The following TPTE2 variants were observed in gnomAD, a reference collection of about 807,000 sequenced individuals.
TPTE2 encodes the protein phosphatidylinositol 3,4,5-trisphosphate 3-phosphatase TPTE2.
In TPTE2, 53 loss-of-function variants were observed where a neutral mutation model predicts 78.6. That is an observed-to-expected ratio of 0.67 (90% CI 0.54 to 0.85). The LOEUF (loss-of-function observed/expected upper bound fraction) is 0.85. TPTE2 is among the 40% of genes least tolerant of loss of function. The probability of loss-of-function intolerance (pLI) is 0.00; values close to 1 mark genes in which losing one functional copy is unlikely to be tolerated. For synonymous variants in TPTE2, 175 were observed against 206.2 expected (o/e 0.85, Z 1.30); for missense variants, 461 against 623.0 (o/e 0.74, Z 2.77).
chr13:19,425,654 C>A (rs112922382), intron 18 of TPTE2: 6 of 498,738 alleles, frequency 1.2e-5, no homozygotes, highest in African/African-American at 1.2e-4. Context: ...TGGCTGCTTG[C>A]GTTAAACCAA....
chr13:19,503,580 T>C (rs1868770824), upstream of TPTE2, among the ~76,000 whole-genome samples: 1 of 63,536 alleles, frequency 1.6e-5, no homozygotes, highest in African/African-American at 3.0e-5. Flanking sequence ...ACTAAACTTT[T>C]GTGTGGAGGT....
the TPTE2 span, among the ~76,000 whole-genome samples, chr13:19,551,506 A>T: frequency 6.6e-6 from 1 of 152,070 alleles, no homozygotes; most frequent in Non-Finnish European, 1.5e-5. Context: ...GAATTGCTTG[A>T]ACCCGGGAGG....
At position 19,441,253 on chromosome 13, in the gene TPTE2, C is replaced by G. The variant is rs1436609468; in HGVS notation, c.974-3100G>C. On this transcript the variant is annotated intron_variant, in intron 13 of 19. Coordinates refer to ENST00000400230, the Ensembl canonical transcript of TPTE2. The stretch of plus-strand genomic sequence containing the variant: ...GATATCAAGGTGGCAATAATGGACC[C>G]TGGGGAGTTCTAGACGGGGCACAGC... 2.6e-5 allele frequency among the ~76,000 whole-genome samples: 4 copies of G among 151,890 alleles called. No individual in the cohort carries two copies. The East Asian group carries it at 7.7e-4, about 29-fold the overall frequency.
the TPTE2 span, chr13:19,552,778 A>T: frequency 5.7e-6 from 2 of 351,618 alleles, no homozygotes; most frequent in South Asian, 1.8e-4. Context: ...AAAAAGTTAT[A>T]ACCAATCCTG....
chr13:19,443,732 G>A (rs1877636916), intron 13 of TPTE2, among the ~76,000 whole-genome samples: 1 of 120,826 alleles, frequency 8.3e-6, no homozygotes, highest in Non-Finnish European at 1.7e-5. Context: ...ATAAATGGTA[G>A]CTAATACACA....
chr13:19,500,276 G>A (rs1365615940), intron 1 of TPTE2, among the ~76,000 whole-genome samples: 3 of 149,400 alleles, frequency 2.0e-5, no homozygotes, highest in African/African-American at 7.4e-5. Context: ...TAGAAAAAGA[G>A]GGAATCCTCC....
chr13:19,544,870 C>G, the TPTE2 span, among the ~76,000 whole-genome samples: 1 of 151,912 alleles, frequency 6.6e-6, no homozygotes, highest in Non-Finnish European at 1.5e-5. Context: ...CTACTGCAGT[C>G]CAGCCCAGGT....
At chr13:19,454,670 A>C (rs1205830016) in intron 10 of TPTE2, among the ~76,000 whole-genome samples, 1 of 152,218 alleles carries the variant, frequency 6.6e-6, no homozygotes, top group Non-Finnish European at 1.5e-5. Flanking sequence ...GTACTTTGTC[A>C]ATGCCCCAAG....
chr13:19,427,013 T>C (rs969743076), intron 17 of TPTE2, among the ~76,000 whole-genome samples: 10 of 151,482 alleles, frequency 6.6e-5, no homozygotes, highest in African/African-American at 1.9e-4. Flanking sequence ...CTGTTGTTTA[T>C]GTCTTTTAAA....
intron 13 of TPTE2, among the ~76,000 whole-genome samples, chr13:19,449,230 A>G (rs1289475884): frequency 1.3e-5 from 2 of 152,058 alleles, no homozygotes; most frequent in South Asian, 2.1e-4. Context: ...CTGGAGTACA[A>G]TGGTGCGATC....
At chr13:19,443,397 C>CTTTTTTTTTTTTTT (rs71092357) in intron 13 of TPTE2, among the ~76,000 whole-genome samples, 3 of 129,912 alleles carry the variant, frequency 2.3e-5, no homozygotes, top group East Asian at 2.3e-4. Context: ...TTCTTTCTTT[C>CTTTTTTTTTTTTTT]TTTTTTTTTT....
chr13:19,527,354 G>A (rs117472541), intron 1 of TPTE2, among the ~76,000 whole-genome samples: 403 of 152,244 alleles, frequency 2.6e-3, no homozygotes, highest in Non-Finnish European at 4.5e-3. Context: ...ACTCAAAGTG[G>A]CAGATACCTT....
chr13:19,496,831 A>G (rs932970949), intron 1 of TPTE2, among the ~76,000 whole-genome samples: 14 of 152,154 alleles, frequency 9.2e-5, no homozygotes, highest in Admixed American at 7.9e-4. Flanking sequence ...TCCGGTCTAC[A>G]GCTCCCAGCG....
chr13:19,539,859 T>C (rs575308864), upstream of TPTE2, among the ~76,000 whole-genome samples: 73 of 152,260 alleles, frequency 4.8e-4, no homozygotes, highest in African/African-American at 1.5e-3. Flanking sequence ...ACAAATCCCA[T>C]TGGGGCCAGG....
At chr13:19,537,534 ACC>A (rs1871278724), upstream of TPTE2, among the ~76,000 whole-genome samples, 1 of 142,254 alleles carries the variant, frequency 7.0e-6, no homozygotes, top group Non-Finnish European at 1.5e-5. Context: ...TGCCCAGGCC[ACC>A]TTCTATTTGA....
At chr13:19,466,136 G>A (rs1288436418) in intron 7 of TPTE2, among the ~76,000 whole-genome samples, 2 of 152,172 alleles carry the variant, frequency 1.3e-5, no homozygotes, top group South Asian at 2.1e-4. Flanking sequence ...CCAAAGCAGA[G>A]AACTGATGGT....
intron 1 of TPTE2, among the ~76,000 whole-genome samples, chr13:19,517,596 T>A (rs559012672): frequency 5.3e-5 from 8 of 152,288 alleles, no homozygotes; most frequent in African/African-American, 1.9e-4. Context: ...GAGGACAGCA[T>A]TAGCCAACAG....
chr13:19,548,567 T>A, the TPTE2 span, among the ~76,000 whole-genome samples: 1 of 151,494 alleles, frequency 6.6e-6, no homozygotes, highest in African/African-American at 2.4e-5. Context: ...AAAGTGTGAT[T>A]AACATCCATC....
chr13:19,525,072 T>C (rs903649568), intron 1 of TPTE2, among the ~76,000 whole-genome samples: 2 of 152,210 alleles, frequency 1.3e-5, no homozygotes, highest in South Asian at 2.1e-4. Context: ...GAGGGCAACA[T>C]TGAAGTTTCA....
Sources: allele counts gnomAD v4.1 joint callset (sites outside exome capture counted in the v4.1 genomes callset), GRCh38; gene constraint gnomAD v4.1.1; transcripts MANE v1.5; gene names NCBI Gene and HGNC (gene_info 2026-07-23, HGNC 2026-07-21).